Variants in CLIP2 observed in about 807,000 individuals in gnomAD.
CLIP2 encodes the protein CAP-Gly domain-containing linker protein 2.
Under a neutral mutation model 111.7 loss-of-function variants are expected in CLIP2, and 41 were observed. The ratio of observed to expected loss-of-function variants is 0.37; its 90% confidence interval spans 0.29 to 0.48. CLIP2 has a LOEUF of 0.48. Ranked by LOEUF, CLIP2 falls within the 20% of genes least tolerant of loss-of-function variation. The pLI, the probability that CLIP2 is intolerant of heterozygous loss-of-function variation, is 0.99. For missense variants in CLIP2, 1,160 were observed against 1,422.1 expected (o/e 0.82, Z 2.96); for synonymous variants, 660 against 644.2 (o/e 1.02, Z -0.37).
chr7:74,374,202 A>C (rs1790714030), intron 9 of CLIP2, among the ~76,000 whole-genome samples: 1 of 152,198 alleles, frequency 6.6e-6, no homozygotes, highest in Admixed American at 6.5e-5. Context: ...CAGTTTCTGC[A>C]TGTTGGTCTC....
chr7:74,350,543 T>C (rs142021758), intron 3 of CLIP2, among the ~76,000 whole-genome samples: 34 of 152,048 alleles, frequency 2.2e-4, no homozygotes, highest in African/African-American at 8.2e-4. Flanking sequence ...TGGTAAATTT[T>C]ACATTATGTG....
At chr7:74,366,928 A>T (rs1470657481) in intron 8 of CLIP2, among the ~76,000 whole-genome samples, 2 of 149,874 alleles carry the variant, frequency 1.3e-5, no homozygotes, top group Non-Finnish European at 3.0e-5. Flanking sequence ...TGGAGAATCT[A>T]TTCCAATCTA....
chr7:74,335,751 CTT>C (rs531612418), intron 2 of CLIP2, among the ~76,000 whole-genome samples: 5 of 110,200 alleles, frequency 4.5e-5, no homozygotes, highest in Admixed American at 1.9e-4. Context: ...TCTTTCTTTT[CTT>C]TTTTTTTTTG....
At chr7:74,334,938 A>G (rs1201869352) in intron 2 of CLIP2, among the ~76,000 whole-genome samples, 1 of 151,882 alleles carries the variant, frequency 6.6e-6, no homozygotes, top group Admixed American at 6.6e-5. Context: ...CAGTGAGCAG[A>G]GATTGCACCA....
At chr7:74,403,741 C>A in intron 16 of CLIP2, 96 bp from the exon 17 acceptor site, 1 of 1,294,096 alleles carries the variant, frequency 7.7e-7, no homozygotes, top group Non-Finnish European at 1.1e-6. Flanking sequence ...CCTCCCCCAC[C>A]CGGCCCCAAC....
intron 1 of CLIP2, among the ~76,000 whole-genome samples, chr7:74,293,772 C>A (rs1284310650): frequency 6.6e-6 from 1 of 152,124 alleles, no homozygotes; most frequent in East Asian, 1.9e-4. Context: ...ACTGATCAGG[C>A]CAGTGTGGGG....
At chr7:74,299,964 T>C (rs1422539588) in intron 1 of CLIP2, among the ~76,000 whole-genome samples, 1 of 152,010 alleles carries the variant, frequency 6.6e-6, no homozygotes, top group Non-Finnish European at 1.5e-5. Context: ...CCCAAAGTGC[T>C]GGGATTGCAG....
At position 74,304,391 on chromosome 7, in the gene CLIP2, T is replaced by G. The variant is rs564747982; in HGVS notation, c.-67-13089T>G. 1.3e-4 allele frequency among the ~76,000 whole-genome samples: 20 copies of G among 151,884 alleles called. No individual in the cohort carries two copies. In the South Asian group the frequency reaches 4.2e-3, roughly 32 times the overall value. ...AAATACAAAAATTAGCTGGGCATGA[T>G]GGCAGATGCCTGTAATCCCAGCTAC... On this transcript the variant is annotated intron_variant, in intron 1 of 16. Transcript: ENST00000223398.
intron 1 of CLIP2, among the ~76,000 whole-genome samples, chr7:74,306,933 C>T (rs1554727830): frequency 2.0e-5 from 3 of 152,236 alleles, no homozygotes; most frequent in African/African-American, 4.8e-5. Flanking sequence ...GCTTCCCCGC[C>T]TCCCACGTCG....
chr7:74,336,050 T>C (rs1789445620), intron 2 of CLIP2, among the ~76,000 whole-genome samples: 1 of 150,954 alleles, frequency 6.6e-6, no homozygotes, highest in Non-Finnish European at 1.5e-5. Context: ...CCTCTCTTCT[T>C]TTCTCTTTTT....
intron 7 of CLIP2, 88 bp downstream of exon 7, chr7:74,360,366 TC>T: frequency 1.1e-6 from 1 of 951,684 alleles, no homozygotes; most frequent in Non-Finnish European, 1.6e-6. Context: ...GGACCCAGGT[TC>T]CAGTCCTGCC....
chr7:74,324,575 G>T (rs553484227), intron 2 of CLIP2, among the ~76,000 whole-genome samples: 1 of 152,186 alleles, frequency 6.6e-6, no homozygotes, highest in Non-Finnish European at 1.5e-5. Context: ...ATCCCCAATT[G>T]ACAGGGGAGC....
At chr7:74,295,275 G>C (rs573777878) in intron 1 of CLIP2, among the ~76,000 whole-genome samples, 7 of 152,080 alleles carry the variant, frequency 4.6e-5, no homozygotes, top group Non-Finnish European at 1.0e-4. Context: ...GCTGAGTTTT[G>C]AAGCATAGGT....
intron 7 of CLIP2, among the ~76,000 whole-genome samples, chr7:74,362,749 G>A (rs1554310036): frequency 6.6e-6 from 1 of 151,904 alleles, no homozygotes; most frequent in African/African-American, 2.4e-5. Context: ...TGGCCAGGTT[G>A]GTCTTGAACT....
intron 1 of CLIP2, among the ~76,000 whole-genome samples, chr7:74,309,909 C>T (rs1167886914): frequency 2.0e-5 from 3 of 148,972 alleles, no homozygotes; most frequent in East Asian, 2.0e-4. Context: ...TATAAATATA[C>T]CACTTTGGGC....
At chr7:74,312,685 C>T (rs899972539) in intron 1 of CLIP2, among the ~76,000 whole-genome samples, 2 of 152,132 alleles carry the variant, frequency 1.3e-5, no homozygotes, top group Non-Finnish European at 2.9e-5. Flanking sequence ...GACTCCCGGC[C>T]CCCAGAATTC....
intron 11 of CLIP2, among the ~76,000 whole-genome samples, chr7:74,385,076 T>C (rs903726784): frequency 1.1e-4 from 16 of 144,054 alleles, no homozygotes; most frequent in South Asian, 2.2e-4. Context: ...CAAAAGTTCA[T>C]GTCCAGCCTG....
intron 11 of CLIP2, among the ~76,000 whole-genome samples, chr7:74,383,650 A>G (rs1199206527): frequency 6.6e-6 from 1 of 152,218 alleles, no homozygotes; most frequent in African/African-American, 2.4e-5. Flanking sequence ...TCAACAATGT[A>G]GTACACCCAG....
intron 1 of CLIP2, among the ~76,000 whole-genome samples, chr7:74,298,695 G>A (rs1321740903): frequency 6.6e-6 from 1 of 151,856 alleles, no homozygotes; most frequent in African/African-American, 2.4e-5. Context: ...ACCACACCCA[G>A]CTAATTTTTT....
Sources: allele counts gnomAD v4.1 joint callset (sites outside exome capture counted in the v4.1 genomes callset), GRCh38; gene constraint gnomAD v4.1.1; transcripts MANE v1.5; gene names NCBI Gene and HGNC (gene_info 2026-07-23, HGNC 2026-07-21).